The following BEX5 variants were observed in gnomAD, a reference collection of about 807,000 sequenced individuals.
BEX5 encodes the protein protein BEX5.
A neutral mutation model predicts 1.4 loss-of-function variants in BEX5; 2 were observed. That is an observed-to-expected ratio of 1.42 (90% CI 0.58 to 4.47). The LOEUF is 4.47. Ranked by LOEUF, BEX5 falls within the 30% of genes most tolerant of loss-of-function variation. BEX5 has a pLI of 0.06. For synonymous variants in BEX5, 32 were observed against 30.0 expected, an observed-to-expected ratio of 1.07 and a Z score of -0.21; for missense variants, 97 against 87.3, an observed-to-expected ratio of 1.11 and a Z score of -0.44.
chrX:102,154,489 A>C (rs782226085), intron 2 of BEX5, among the ~76,000 whole-genome samples, 187 bp from the exon 3 acceptor site: 12 of 108,901 alleles, frequency 1.1e-4, no homozygotes, highest in African/African-American at 3.7e-4. Context: ...GCCAAAATGC[A>C]AGACGACTTA....
Position 102,153,719 on chromosome X carries a change from A to G in BEX5, c.*211T>C. On this transcript the variant is annotated 3_prime_UTR_variant, in exon 3 of 3. Transcript: ENST00000333643. ...AATAGTCTATCTGTAGACTGCTTTT[A>G]AATTGCTTTATTAACTTTACAGTAT... The G allele has an allele frequency of 2.8e-6, 1 of 352,629 alleles. No individual in the cohort carries two copies. Among genetic ancestry groups the G allele is most frequent in the Non-Finnish European group, 4.9e-6 (1 of 205,700 alleles). 29.1% of individuals were successfully genotyped at this position (352,629 alleles called of 1,213,427 possible).
chrX:102,155,095 G>A (rs1229074562), intron 1 of BEX5, among the ~76,000 whole-genome samples: 1 of 111,628 alleles, frequency 9.0e-6, no homozygotes, highest in Non-Finnish European at 1.9e-5. Flanking sequence ...TTGCCTGGCG[G>A]GGGAGTTAGA....
chrX:102,155,046 T>C (rs1933236259), intron 1 of BEX5, among the ~76,000 whole-genome samples: 1 of 111,774 alleles, frequency 8.9e-6, no homozygotes, highest in East Asian at 2.8e-4. Flanking sequence ...TGTTTCCTCT[T>C]ACCTGTCATC....
chrX:102,155,529 C>G (rs1177366199), intron 1 of BEX5: 7 of 111,609 alleles, frequency 6.3e-5, no homozygotes, highest in Admixed American at 5.7e-4. Flanking sequence ...GAAAAGATAC[C>G]TAGAAGGCAG....
intron 1 of BEX5, chrX:102,155,564 C>G (rs1178307104): frequency 2.7e-5 from 3 of 111,750 alleles, no homozygotes; most frequent in African/African-American, 9.8e-5. Flanking sequence ...CAGGGTCCGC[C>G]CTCCCCAACC....
chrX:102,154,839 C>A (rs1933232948), intron 1 of BEX5, 29 bp from the exon 2 acceptor site: 1 of 111,769 alleles, frequency 8.9e-6, no homozygotes, highest in Non-Finnish European at 1.9e-5. Flanking sequence ...ATTACCAGGA[C>A]TGATCTTTTA....
rs1214448929 is a variant in BEX5 at position 102,153,863 on chromosome X, A to T, written c.*67T>A. 3 of 993,881 alleles carry T rather than the reference A, an allele frequency of 3.0e-6. No homozygotes were observed. The Admixed American group carries it at 8.1e-5, about 27-fold the overall frequency. 81.9% of individuals were successfully genotyped at this position (993,881 alleles called of 1,213,427 possible). A position where few individuals can be genotyped will look rare whatever the true frequency, so the allele number is the denominator to read the frequency against. ...TGCAGAAGAATGCCAAAAGGTTCAC[A>T]TTAAAGGTACACCAGGAAAAATGCG... On this transcript the variant is annotated 3_prime_UTR_variant, in exon 3 of 3. Coordinates refer to ENST00000333643, the MANE Select transcript of BEX5 (RefSeq NM_001012978.3).
intron 1 of BEX5, chrX:102,155,510 G>A (rs1300564118): frequency 9.0e-6 from 1 of 111,556 alleles, no homozygotes; most frequent in African/African-American, 3.3e-5. Flanking sequence ...TAAATGGGTA[G>A]AGGGTGAAGA....
In BEX5 at chrX:102,154,242, G is replaced by A; in HGVS notation, c.24C>T (p.Asn8=). ...GCACTGGGGCCTTCTCCACAACTTT[G>A]TTTTCCTTGGGGACATTTTCCATGT... MENVPKE[N]KVVEKAPVQN... is the part of the protein sequence containing the mutation. Residue 8 remains asparagine (N), a synonymous_variant, in exon 3 of 3, where the codon AAC becomes AAT. Coordinates refer to ENST00000333643, the MANE Select transcript of BEX5 (RefSeq NM_001012978.3). 2 of 1,119,776 alleles carry A rather than the reference G, an allele frequency of 1.8e-6. No individual in the cohort carries two copies. Among genetic ancestry groups the A allele is most frequent in the South Asian group, 4.7e-5 (2 of 42,856 alleles). 92.3% of individuals were successfully genotyped at this position (1,119,776 alleles called of 1,213,427 possible). A position where few individuals can be genotyped will look rare whatever the true frequency, so the allele number is the denominator to read the frequency against.
Sources: allele counts gnomAD v4.1 joint callset (sites outside exome capture counted in the v4.1 genomes callset), GRCh38; gene constraint gnomAD v4.1.1; transcripts MANE v1.5; gene names NCBI Gene and HGNC (gene_info 2026-07-23, HGNC 2026-07-21).